NBAS: variants seen among roughly 807,000 people sequenced by gnomAD.
NBAS encodes NBAS subunit of NRZ tethering complex.
In NBAS, 219 loss-of-function variants were observed where a neutral mutation model predicts 302.5. The observed-to-expected ratio is 0.72, with a 90% CI of 0.65 to 0.81. The LOEUF (loss-of-function observed/expected upper bound fraction) is 0.81, where lower values mean the gene tolerates loss of function less well. Ranked by LOEUF, NBAS falls within the 30% of genes least tolerant of loss-of-function variation. NBAS has a pLI of 0.00. For missense variants in NBAS, 2,932 were observed against 2,841.6 expected (o/e 1.03, Z -0.72); for synonymous variants, 1,118 against 1,021.6 (o/e 1.09, Z -1.80).
chr2:15,288,579 T>C (rs996049607), intron 41 of NBAS, among the ~76,000 whole-genome samples: 1 of 152,168 alleles, frequency 6.6e-6, no homozygotes, highest in African/African-American at 2.4e-5. Flanking sequence ...GGGAATGACA[T>C]CGCCAGATTT....
At chr2:15,287,355 G>A (rs1670091956) in intron 41 of NBAS, among the ~76,000 whole-genome samples, 172 bp from the exon 42 acceptor site, 1 of 152,154 alleles carries the variant, frequency 6.6e-6, no homozygotes, top group African/African-American at 2.4e-5. Flanking sequence ...GAATTGTAAT[G>A]CTCTTTTTCA....
At chr2:15,063,009 G>T in the NBAS span, among the ~76,000 whole-genome samples, 80 of 152,258 alleles carry the variant, frequency 5.3e-4, no homozygotes, top group African/African-American at 1.8e-3. Flanking sequence ...GCTTGTTGGG[G>T]ATTCAGCTGT....
the NBAS span, among the ~76,000 whole-genome samples, chr2:14,946,900 T>A: frequency 1.3e-5 from 2 of 152,158 alleles, no homozygotes; most frequent in Non-Finnish European, 2.9e-5. Flanking sequence ...CACATGGAAG[T>A]TAAATATGTT....
chr2:15,268,164 T>A (rs886397121), intron 44 of NBAS, among the ~76,000 whole-genome samples: 10 of 152,240 alleles, frequency 6.6e-5, no homozygotes, highest in Non-Finnish European at 1.0e-4. Context: ...GCTCCCGCTA[T>A]GAGTCCCAAG....
chr2:14,916,377 T>C, the NBAS span, among the ~76,000 whole-genome samples: 1 of 152,216 alleles, frequency 6.6e-6, no homozygotes, highest in African/African-American at 2.4e-5. Context: ...GGCAAGAACA[T>C]TCTGTGAATT....
At chr2:14,970,356 G>A in the NBAS span, among the ~76,000 whole-genome samples, 1 of 152,156 alleles carries the variant, frequency 6.6e-6, no homozygotes. Flanking sequence ...ACCACTTAAT[G>A]TTTAAGAAAC....
At chr2:14,956,714 G>A in the NBAS span, among the ~76,000 whole-genome samples, 1 of 152,060 alleles carries the variant, frequency 6.6e-6, no homozygotes, top group African/African-American at 2.4e-5. Context: ...GATCTCATGC[G>A]AACTCACTCA....
At chr2:14,874,422 T>G in the NBAS span, among the ~76,000 whole-genome samples, 3 of 148,774 alleles carry the variant, frequency 2.0e-5, no homozygotes, top group African/African-American at 7.4e-5. Flanking sequence ...GTCAGGAGAT[T>G]GAGACTATCC....
chr2:14,826,762 T>C, the NBAS span, among the ~76,000 whole-genome samples: 3 of 152,202 alleles, frequency 2.0e-5, no homozygotes, highest in Admixed American at 6.5e-5. Flanking sequence ...CCCTGCTCCT[T>C]ACCATTCAAC....
In NBAS at chr2:15,536,436, A is replaced by T; in HGVS notation, c.629T>A (p.Leu210His). 1 of 1,613,690 alleles carries T rather than the reference A, an allele frequency of 6.2e-7. No homozygotes were observed. The highest frequency in any genetic ancestry group is 8.5e-7 in the Non-Finnish European group (1 of 1,179,986). The change falls in exon 8 of 52, where the codon CTT becomes CAT. Residue 210 changes from leucine (L) to histidine (H), a missense_variant. Leu to His is a moderately conservative substitution (Grantham distance 99). Transcript: ENST00000281513. Reference sequence around the variant, plus strand: ...TTTTTACCTTACAAGGTAACTTCTAAGTTCTCCTCGGTAATTGATGACCAG... The same window carrying T: ...TTTTTACCTTACAAGGTAACTTCTATGTTCTCCTCGGTAATTGATGACCAG... Reference protein sequence around the residue: ...ELLVINYRGELRSYLVSVGTN... With the variant: ...ELLVINYRGEHRSYLVSVGTN...
intron 11 of NBAS, 100 bp from the exon 12 acceptor site, chr2:15,489,122 CT>C: frequency 7.5e-7 from 1 of 1,339,822 alleles, no homozygotes; most frequent in Non-Finnish European, 1.1e-6. Context: ...TATAAATGAT[CT>C]TTAGTAATTA....
chr2:15,399,290 GC>G (rs1676030523), intron 26 of NBAS, among the ~76,000 whole-genome samples: 1 of 152,024 alleles, frequency 6.6e-6, no homozygotes, highest in African/African-American at 2.4e-5. Flanking sequence ...ACAGAGCCCA[GC>G]AAGGAAGAAA....
chr2:15,368,217 T>G (rs1674309715), intron 31 of NBAS, among the ~76,000 whole-genome samples: 1 of 142,480 alleles, frequency 7.0e-6, no homozygotes, highest in Admixed American at 7.0e-5. Flanking sequence ...TTTTTTTTTT[T>G]GAGATAGAAT....
At chr2:14,823,588 C>G in the NBAS span, among the ~76,000 whole-genome samples, 1 of 152,186 alleles carries the variant, frequency 6.6e-6, no homozygotes, top group Admixed American at 6.5e-5. Flanking sequence ...TCCCATGTCC[C>G]ATTACAACTC....
At chr2:14,955,855 G>T in the NBAS span, among the ~76,000 whole-genome samples, 2 of 152,204 alleles carry the variant, frequency 1.3e-5, no homozygotes. Context: ...AAGAGGGACT[G>T]CCATGAAGGT....
rs189936254 is a variant in NBAS, at chr2:15,258,076, C to T, written c.5724+17408G>A. On this transcript the variant is annotated intron_variant, in intron 44 of 51. Coordinates refer to ENST00000281513, the MANE Select transcript of NBAS (RefSeq NM_015909.4). ...CAATGTTGCGGGAACTCAGGGACGC[C>T]GAACGGAGGGACTGGCTGGAGCCGT... Among the ~76,000 whole-genome samples the T allele has an allele frequency of 5.4e-3, 819 of 152,128 alleles. 4 individuals are homozygous for T. Among genetic ancestry groups the T allele is most frequent in the African/African-American group, 0.017 (698 of 41,510 alleles).
At chr2:15,257,792 G>C (rs1189197674) in intron 44 of NBAS, among the ~76,000 whole-genome samples, 4 of 152,120 alleles carry the variant, frequency 2.6e-5, no homozygotes, top group Admixed American at 6.5e-5. Context: ...TAACTTATAA[G>C]AAATTCAAAG....
chr2:15,444,766 G>T (rs1339308611), intron 21 of NBAS, among the ~76,000 whole-genome samples: 1 of 151,822 alleles, frequency 6.6e-6, no homozygotes, highest in African/African-American at 2.4e-5. Context: ...CTGACAAAGG[G>T]CTAATATCCA....
the NBAS span, among the ~76,000 whole-genome samples, chr2:14,898,862 C>A: frequency 1.3e-5 from 2 of 152,276 alleles, no homozygotes; most frequent in Admixed American, 1.3e-4. Flanking sequence ...AAAAATGAAC[C>A]TGGACCTTAC....
Sources: gnomAD v4.1 joint callset for allele counts (sites outside exome capture counted in the v4.1 genomes callset) on GRCh38, gnomAD v4.1.1 for gene constraint, MANE v1.5 for transcripts, NCBI Gene and HGNC (gene_info 2026-07-23, HGNC 2026-07-21) for gene names.